The following LDAH variants were observed in gnomAD, a reference collection of about 807,000 sequenced individuals.
LDAH encodes the protein lipid droplet-associated hydrolase.
A neutral mutation model predicts 29.6 loss-of-function variants in LDAH; 26 were observed. That is an observed-to-expected ratio of 0.88 (90% CI 0.64 to 1.22). The LOEUF (loss-of-function observed/expected upper bound fraction) is 1.22. Among genes scored for constraint, LDAH ranks in the 50% most tolerant of loss-of-function variants. The probability of loss-of-function intolerance (pLI) is 0.00; values close to 1 mark genes in which losing one functional copy is unlikely to be tolerated. For missense variants in LDAH, 344 were observed against 387.3 expected (o/e 0.89, Z 0.94); for synonymous variants, 117 against 133.0 (o/e 0.88, Z 0.83).
chr2:20,780,779 C>G (rs979551845), intron 3 of LDAH, among the ~76,000 whole-genome samples: 3 of 152,176 alleles, frequency 2.0e-5, no homozygotes, highest in African/African-American at 4.8e-5. Context: ...TTGCTCTGCA[C>G]TTTGGTTTTT....
chr2:20,719,146 A>T (rs1665457633), intron 5 of LDAH, among the ~76,000 whole-genome samples: 1 of 151,682 alleles, frequency 6.6e-6, no homozygotes, highest in Non-Finnish European at 1.5e-5. Context: ...TTTGTAGAAT[A>T]AAAAAAATAA....
chr2:20,708,981 A>C (rs1664506005), intron 5 of LDAH, among the ~76,000 whole-genome samples: 1 of 152,214 alleles, frequency 6.6e-6, no homozygotes, highest in Non-Finnish European at 1.5e-5. Context: ...AGACAATCTG[A>C]TTGAAAATGG....
chr2:20,708,930 C>G (rs1479164202), intron 5 of LDAH, among the ~76,000 whole-genome samples: 2 of 152,100 alleles, frequency 1.3e-5, no homozygotes, highest in Admixed American at 1.3e-4. Flanking sequence ...ATAAAGATCT[C>G]TAGCCATAAT....
intron 3 of LDAH, among the ~76,000 whole-genome samples, chr2:20,784,196 A>G (rs1670394314): frequency 6.6e-6 from 1 of 152,066 alleles, no homozygotes; most frequent in Non-Finnish European, 1.5e-5. Flanking sequence ...ACTTGAGCCC[A>G]GGAGTTCAAG....
At chr2:20,731,664 T>C (rs1666418912) in intron 5 of LDAH, among the ~76,000 whole-genome samples, 1 of 152,196 alleles carries the variant, frequency 6.6e-6, no homozygotes, top group Non-Finnish European at 1.5e-5. Context: ...TCTAAATTTA[T>C]GCCTAACAAT....
intron 5 of LDAH, among the ~76,000 whole-genome samples, chr2:20,723,485 A>G (rs1471562041): frequency 6.6e-6 from 1 of 152,218 alleles, no homozygotes; most frequent in Non-Finnish European, 1.5e-5. Flanking sequence ...AAAAATTCAA[A>G]TAATTTGTAA....
At chr2:20,710,606 G>A (rs760082172) in intron 5 of LDAH, among the ~76,000 whole-genome samples, 53 of 131,866 alleles carry the variant, frequency 4.0e-4, no homozygotes, top group African/African-American at 9.9e-4. Flanking sequence ...GTGTGTGTGT[G>A]TATATATATA....
At chr2:20,694,626 G>C (rs1203658745) in intron 6 of LDAH, among the ~76,000 whole-genome samples, 1 of 152,212 alleles carries the variant, frequency 6.6e-6, no homozygotes, top group African/African-American at 2.4e-5. Context: ...TTTTTAAAAA[G>C]TGGCTGAGGA....
downstream of LDAH, among the ~76,000 whole-genome samples, chr2:20,683,150 G>A (rs923825736): frequency 2.0e-5 from 3 of 152,110 alleles, no homozygotes; most frequent in Admixed American, 1.3e-4. Context: ...ACTCAGTGAC[G>A]CCGGTCTTGC....
chr2:20,788,317 CTAA>C, intron 3 of LDAH, among the ~76,000 whole-genome samples: 1 of 152,222 alleles, frequency 6.6e-6, no homozygotes. Flanking sequence ...GATTAGTAAA[CTAA>C]TGTTTTTCAG....
intron 5 of LDAH, among the ~76,000 whole-genome samples, chr2:20,734,959 G>A (rs1221295063): frequency 6.6e-6 from 1 of 152,066 alleles, no homozygotes; most frequent in African/African-American, 2.4e-5. Flanking sequence ...TTTCCTTTGG[G>A]TCTCCATGGA....
intron 5 of LDAH, among the ~76,000 whole-genome samples, chr2:20,721,294 A>G (rs1476671891): frequency 6.6e-6 from 1 of 152,220 alleles, no homozygotes; most frequent in African/African-American, 2.4e-5. Context: ...GATGACAAAT[A>G]ATCTGAATAA....
intron 4 of LDAH, among the ~76,000 whole-genome samples, chr2:20,744,974 G>T (rs1273610238): frequency 6.6e-6 from 1 of 152,058 alleles, no homozygotes; most frequent in Non-Finnish European, 1.5e-5. Flanking sequence ...GGGGACAGTG[G>T]TTTTCCCTGT....
rs369673300 is a variant in LDAH at position 20,756,094 on chromosome 2, C to T, written c.469-15889G>A. On this transcript the variant is annotated intron_variant, in intron 4 of 6. Transcript: ENST00000237822. ...TCACCCAGGCTAGAGTGTAGTGGCG[C>T]GGTCTTGGCTCCGGGCAACCTCCTC... 9.2e-5 allele frequency among the ~76,000 whole-genome samples: 14 copies of T among 151,936 alleles called. No individual in the cohort carries two copies. In the South Asian group the frequency reaches 2.1e-3, roughly 23 times the overall value.
intron 5 of LDAH, among the ~76,000 whole-genome samples, chr2:20,720,262 G>A (rs1338664046): frequency 6.6e-6 from 1 of 152,080 alleles, no homozygotes; most frequent in Non-Finnish European, 1.5e-5. Flanking sequence ...AGATAGTAAA[G>A]TTGCAGGATA....
chr2:20,731,034 G>C (rs1455615466), intron 5 of LDAH, among the ~76,000 whole-genome samples: 1 of 152,038 alleles, frequency 6.6e-6, no homozygotes, highest in African/African-American at 2.4e-5. Flanking sequence ...TTATTCCTTT[G>C]CCTTTCCAAA....
At chr2:20,710,643 GT>G (rs66781403) in intron 5 of LDAH, among the ~76,000 whole-genome samples, 4,772 of 138,158 alleles carry the variant, frequency 0.035, 146 homozygotes, top group East Asian at 0.12. Flanking sequence ...TAGATATATA[GT>G]ATACATATAT....
chr2:20,807,448 A>G (rs1163979783), intron 1 of LDAH, among the ~76,000 whole-genome samples: 2 of 152,134 alleles, frequency 1.3e-5, no homozygotes, highest in African/African-American at 2.4e-5. Flanking sequence ...AAACTATTCA[A>G]AATATTAGCA....
At chr2:20,818,240 G>A (rs1572699660) in intron 1 of LDAH, among the ~76,000 whole-genome samples, 1 of 152,016 alleles carries the variant, frequency 6.6e-6, no homozygotes. Flanking sequence ...AAAGTTTTTT[G>A]CAACTTCCTC....
Sources: gnomAD v4.1 joint callset for allele counts (sites outside exome capture counted in the v4.1 genomes callset) on GRCh38, gnomAD v4.1.1 for gene constraint, MANE v1.5 for transcripts, NCBI Gene and HGNC (gene_info 2026-07-23, HGNC 2026-07-21) for gene names.